TMEM132B: variants seen among roughly 807,000 people sequenced by gnomAD.
TMEM132B encodes transmembrane protein 132B.
A neutral mutation model predicts 90.8 loss-of-function variants in TMEM132B; 18 were observed. The ratio of observed to expected loss-of-function variants is 0.20; its 90% CI spans 0.14 to 0.29. The LOEUF (loss-of-function observed/expected upper bound fraction) is 0.29, where lower values mean the gene tolerates loss of function less well. TMEM132B is among the 10% of genes least tolerant of loss of function. TMEM132B has a pLI of 1.00. For synonymous variants in TMEM132B, 504 were observed against 523.3 expected (o/e 0.96, Z 0.50); for missense variants, 1,096 against 1,326.8 (o/e 0.83, Z 2.70).
At chr12:125,199,405 T>C (rs781665818) in intron 1 of TMEM132B, among the ~76,000 whole-genome samples, 9 of 152,132 alleles carry the variant, frequency 5.9e-5, no homozygotes, top group Non-Finnish European at 1.0e-4. Context: ...GGTTCCTGGG[T>C]CCCTGTTGGA....
At chr12:125,506,565 A>G (rs570143255) in intron 3 of TMEM132B, among the ~76,000 whole-genome samples, 2 of 152,240 alleles carry the variant, frequency 1.3e-5, no homozygotes, top group African/African-American at 2.4e-5. Flanking sequence ...AAAAGTAAAA[A>G]AAAATTATAT....
chr12:125,424,701 C>A (rs928164321), intron 3 of TMEM132B, among the ~76,000 whole-genome samples: 2 of 152,160 alleles, frequency 1.3e-5, no homozygotes, highest in Non-Finnish European at 2.9e-5. Flanking sequence ...TAGGGAGAAC[C>A]AGTGGCTGAC....
At position 125,492,842 on chromosome 12, in the gene TMEM132B, A is replaced by G. The variant is rs1882391752; in HGVS notation, c.1107-26597A>G. Among the ~76,000 whole-genome samples the G allele has an allele frequency of 6.6e-6, 1 of 152,188 alleles. No individual in the cohort carries two copies. The highest frequency in any genetic ancestry group is 1.5e-5 in the Non-Finnish European group (1 of 68,030). On this transcript the variant is annotated intron_variant, in intron 3 of 8. Transcript: ENST00000682704. The surrounding 1 kb of genome is among the most constrained non-coding windows in gnomAD (Gnocchi z 5.8). Reference sequence around the variant, plus strand: ...AGGCTCCAGGGATAGACACAGCGCCAACCAAAGGCTCAGTTCCACCCTCAA... The same window carrying G: ...AGGCTCCAGGGATAGACACAGCGCCGACCAAAGGCTCAGTTCCACCCTCAA...
intron 5 of TMEM132B, among the ~76,000 whole-genome samples, chr12:125,608,387 C>A (rs762362173): frequency 2.6e-5 from 4 of 152,106 alleles, no homozygotes; most frequent in Non-Finnish European, 5.9e-5. Context: ...GGAAAAATGT[C>A]TATTGAGGTC....
At chr12:125,265,643 A>G (rs1224609710) in intron 1 of TMEM132B, among the ~76,000 whole-genome samples, 1 of 152,212 alleles carries the variant, frequency 6.6e-6, no homozygotes, top group African/African-American at 2.4e-5. Context: ...GGCCTCTGCA[A>G]TCTGCACCTA....
At chr12:125,585,839 G>A (rs1366858668) in intron 5 of TMEM132B, 1 of 152,212 alleles carries the variant, frequency 6.6e-6, no homozygotes, top group Non-Finnish European at 1.5e-5. Context: ...TTATTGCCCA[G>A]TCTTCAGAGG....
At position 125,455,702 on chromosome 12, in the gene TMEM132B, G is replaced by A. The variant is rs1165599243; in HGVS notation, c.1106+40025G>A. 2.0e-5 allele frequency among the ~76,000 whole-genome samples: 3 copies of A among 151,292 alleles called. No individual in the cohort carries two copies. The East Asian group carries it at 5.8e-4, about 29-fold the overall frequency. On this transcript the variant is annotated intron_variant, in intron 3 of 8. Transcript: ENST00000682704. ...TTTTTTTTAAGTAATCTGAAGGTAT[G>A]TGTAATCACTTGTATGTTTCACTAA...
chr12:125,282,122 A>C (rs909375925), intron 1 of TMEM132B, among the ~76,000 whole-genome samples: 3 of 150,084 alleles, frequency 2.0e-5, no homozygotes, highest in Non-Finnish European at 2.9e-5. Flanking sequence ...TGTCACGGAC[A>C]TGGAAGTGGT....
intron 1 of TMEM132B, among the ~76,000 whole-genome samples, chr12:125,331,995 G>A (rs1397217991): frequency 6.6e-6 from 1 of 151,982 alleles, no homozygotes; most frequent in Non-Finnish European, 1.5e-5. Context: ...CTGACCTCAA[G>A]CCATCCCAAA....
intron 1 of TMEM132B, among the ~76,000 whole-genome samples, chr12:125,270,010 T>TTTA (rs1874790121): frequency 6.6e-6 from 1 of 151,398 alleles, no homozygotes; most frequent in African/African-American, 2.4e-5. Flanking sequence ...GTCTGGGCAG[T>TTTA]AGAACATGAC....
At chr12:125,409,649 T>G (rs1593128616) in intron 2 of TMEM132B, among the ~76,000 whole-genome samples, 1 of 36,538 alleles carries the variant, frequency 2.7e-5, no homozygotes, top group Admixed American at 3.5e-4. Flanking sequence ...AGGAGTGGAG[T>G]GGAGTGGAGT....
intron 3 of TMEM132B, among the ~76,000 whole-genome samples, chr12:125,433,787 A>G (rs1174598044): frequency 1.7e-5 from 2 of 119,736 alleles, no homozygotes; most frequent in Non-Finnish European, 3.9e-5. Context: ...ATGCAGCCAT[A>G]AAAAATGATA....
intron 2 of TMEM132B, among the ~76,000 whole-genome samples, chr12:125,359,878 G>A (rs1467431744): frequency 6.6e-6 from 1 of 152,172 alleles, no homozygotes; most frequent in Non-Finnish European, 1.5e-5. Context: ...AAGAGATTGA[G>A]ACCATCCTGG....
At chr12:125,403,494 A>G (rs141605318) in intron 2 of TMEM132B, among the ~76,000 whole-genome samples, 107 of 152,332 alleles carry the variant, frequency 7.0e-4, no homozygotes, top group African/African-American at 2.5e-3. Context: ...AGATATTGTA[A>G]TTTTTAAATA....
At position 125,231,721 on chromosome 12, in the gene TMEM132B, CAG is replaced by C. The variant is rs771831903; in HGVS notation, c.67+44858_67+44859del. 6.4e-4 allele frequency among the ~76,000 whole-genome samples: 97 copies of C among 151,976 alleles called. 1 individual carries two copies. The South Asian group carries it at 0.018, about 28-fold the overall frequency. ...TTTTAAATTCTAGGATTTCACAGAA[CAG>C]AGTTTGAAAGCAATTGCTTATACAT... On this transcript the variant is annotated intron_variant, in intron 1 of 8. Transcript: ENST00000682704.
intron 1 of TMEM132B, among the ~76,000 whole-genome samples, chr12:125,334,686 A>G (rs1392784311): frequency 6.6e-6 from 1 of 152,230 alleles, no homozygotes; most frequent in Non-Finnish European, 1.5e-5. Flanking sequence ...TCCATGCACA[A>G]TGGATTCACT....
intron 1 of TMEM132B, among the ~76,000 whole-genome samples, chr12:125,270,112 T>TCGTGTGTGTGTGTGTGTG (rs1555235074): frequency 7.0e-6 from 1 of 143,144 alleles, no homozygotes; most frequent in African/African-American, 2.6e-5. Flanking sequence ...CACATCTTTG[T>TCGTGTGTGTGTGTGTGTG]TGTGTGTGTG....
intron 8 of TMEM132B, 73 bp from the exon 9 acceptor site, chr12:125,653,492 G>C (rs1886978600): frequency 6.8e-6 from 10 of 1,461,998 alleles, no homozygotes; most frequent in South Asian, 1.4e-5. Flanking sequence ...AATTTATATA[G>C]GAAATTATAC....
chr12:125,613,240 A>G (rs1024773463), intron 5 of TMEM132B, among the ~76,000 whole-genome samples: 1 of 133,946 alleles, frequency 7.5e-6, no homozygotes, highest in Non-Finnish European at 1.6e-5. Flanking sequence ...TATATAATAT[A>G]GTGGGTGTTT....
Sources: allele counts gnomAD v4.1 joint callset (sites outside exome capture counted in the v4.1 genomes callset), GRCh38; gene constraint gnomAD v4.1.1; non-coding constraint Gnocchi (gnomAD v3.1); transcripts MANE v1.5; gene names NCBI Gene and HGNC (gene_info 2026-07-23, HGNC 2026-07-21).